The following DMD variants were observed in gnomAD, a reference collection of about 807,000 sequenced individuals.
The protein encoded by DMD is mutant dystrophin.
In DMD, 63 loss-of-function variants were observed where a neutral mutation model predicts 330.1. The ratio of observed to expected loss-of-function variants is 0.19; its 90% CI spans 0.16 to 0.24. The LOEUF is 0.24. Among genes scored for constraint, DMD ranks in the 10% least tolerant of loss-of-function variants. DMD has a pLI of 1.00. For missense variants in DMD, 3,344 were observed against 2,684.1 expected (o/e 1.25, Z -5.43); for synonymous variants, 1,223 against 959.8 (o/e 1.27, Z -5.07).
At chrX:32,842,529 A>G (rs1031129497) in intron 4 of DMD, among the ~76,000 whole-genome samples, 5 of 104,159 alleles carry the variant, frequency 4.8e-5, no homozygotes, top group African/African-American at 2.0e-4. Flanking sequence ...ACATACTTGC[A>G]AGTAAGACCC....
intron 1 of DMD, among the ~76,000 whole-genome samples, chrX:33,172,601 T>C (rs185953828): frequency 9.0e-6 from 1 of 111,610 alleles, no homozygotes; most frequent in East Asian, 2.8e-4. Context: ...CTCTGGCCAC[T>C]CAAACTACCT....
Position 32,365,051 on chromosome X carries a change from G to A in DMD, c.4994C>T (p.Ser1665Phe). The A allele has an allele frequency of 8.3e-7, 1 of 1,210,687 alleles. No individual in the cohort carries two copies. Among genetic ancestry groups the A allele is most frequent in the Non-Finnish European group, 1.1e-6 (1 of 895,143 alleles). The change falls in exon 35 of 79, where the codon TCC becomes TTC. Residue 1665 changes from serine to phenylalanine, a missense_variant. Transcript: ENST00000357033. ...LLNSNWIAVT[S>F]RAEEWLNLLL... is the part of the protein sequence containing the mutation. ...AAGATTTAACCACTCTTCTGCTCGGGAGGTGACAGCTATCCAGTTACTATT... is the reference window on the plus strand; with the variant it reads ...AAGATTTAACCACTCTTCTGCTCGGAAGGTGACAGCTATCCAGTTACTATT...
intron 52 of DMD, among the ~76,000 whole-genome samples, chrX:31,707,299 C>T (rs757218558): frequency 9.0e-6 from 1 of 110,948 alleles, no homozygotes; most frequent in South Asian, 3.8e-4. Context: ...TGGTTTATAA[C>T]CTGCTGTGCT....
chrX:31,562,314 T>C (rs2075242392), intron 55 of DMD, among the ~76,000 whole-genome samples: 2 of 112,354 alleles, frequency 1.8e-5, no homozygotes, highest in Non-Finnish European at 3.8e-5. Flanking sequence ...CTTTTATTTC[T>C]GTAGTATTGA....
chrX:31,992,382 T>C (rs1444695608), intron 44 of DMD, among the ~76,000 whole-genome samples: 4 of 111,482 alleles, frequency 3.6e-5, no homozygotes, highest in Non-Finnish European at 7.5e-5. Context: ...AATTAGGGCA[T>C]TGCCTCCATG....
chrX:32,242,493 G>A (rs2097212417), intron 43 of DMD, among the ~76,000 whole-genome samples: 1 of 111,671 alleles, frequency 9.0e-6, no homozygotes, highest in African/African-American at 3.3e-5. Context: ...TAACTTCAAT[G>A]TCTAGCACGT....
chrX:33,071,368 G>A (rs1482083579), intron 1 of DMD, among the ~76,000 whole-genome samples: 1 of 104,151 alleles, frequency 9.6e-6, no homozygotes, highest in Non-Finnish European at 1.9e-5. Context: ...GCAGTGAGCT[G>A]AGATCACGCC....
intron 77 of DMD, among the ~76,000 whole-genome samples, chrX:31,129,627 T>G (rs2034216389): frequency 8.9e-6 from 1 of 112,195 alleles, no homozygotes; most frequent in African/African-American, 3.2e-5. Context: ...AGGCAACATG[T>G]AAATGAATGG....
intron 50 of DMD, among the ~76,000 whole-genome samples, chrX:31,786,062 C>T (rs1603466672): frequency 8.9e-6 from 1 of 112,252 alleles, no homozygotes; most frequent in Non-Finnish European, 1.9e-5. Context: ...TTCACACTCC[C>T]ACCAACAGTG....
chrX:33,128,200 T>G, intron 1 of DMD: 1 of 1,199,322 alleles, frequency 8.3e-7, no homozygotes, highest in Non-Finnish European at 1.1e-6. Context: ...CACACCTTCA[T>G]AGGAAAGCTT....
chrX:32,685,144 T>G (rs1442655062), intron 9 of DMD, among the ~76,000 whole-genome samples: 1 of 109,804 alleles, frequency 9.1e-6, no homozygotes, highest in Non-Finnish European at 1.9e-5. Flanking sequence ...AATACTACAG[T>G]GCTTCCGGCA....
At chrX:32,732,794 GC>G (rs2067885798) in intron 7 of DMD, among the ~76,000 whole-genome samples, 2 of 110,302 alleles carry the variant, frequency 1.8e-5, no homozygotes, top group South Asian at 7.8e-4. Context: ...ACCGGTACCA[GC>G]CGCTGCAAAA....
intron 7 of DMD, among the ~76,000 whole-genome samples, chrX:32,800,504 AT>A (rs2076475900): frequency 8.9e-6 from 1 of 112,179 alleles, no homozygotes. Flanking sequence ...TATTTTAAAA[AT>A]ATATGACTTA....
chrX:32,554,437 C>A (rs893596850), intron 16 of DMD, among the ~76,000 whole-genome samples: 4 of 111,044 alleles, frequency 3.6e-5, no homozygotes, highest in African/African-American at 1.3e-4. Flanking sequence ...AGAGGAATAT[C>A]ACCAATAATT....
chrX:32,904,658 C>T (rs750114836), intron 2 of DMD, among the ~76,000 whole-genome samples: 164 of 112,241 alleles, frequency 1.5e-3, no homozygotes, highest in African/African-American at 5.2e-3. Flanking sequence ...ACTGCAACCT[C>T]CGCCTCCCGG....
At chrX:32,883,373 T>C (rs2149214764) in intron 2 of DMD, among the ~76,000 whole-genome samples, 1 of 111,759 alleles carries the variant, frequency 8.9e-6, no homozygotes, top group Non-Finnish European at 1.9e-5. Flanking sequence ...ACACTGGTAA[T>C]TGCTTCTTTC....
intron 41 of DMD, among the ~76,000 whole-genome samples, chrX:32,335,493 ATAC>A (rs1424711757): frequency 1.2e-4 from 10 of 83,193 alleles, no homozygotes; most frequent in South Asian, 8.3e-4. Context: ...ACATTTATAT[ATAC>A]ATGTTATATA....
chrX:31,285,766 A>G (rs771925808), intron 62 of DMD, among the ~76,000 whole-genome samples: 2 of 112,255 alleles, frequency 1.8e-5, no homozygotes, highest in East Asian at 2.8e-4. Flanking sequence ...GTCAAAATAA[A>G]TAAATGATCA....
At chrX:32,295,516 T>C (rs1408906719) in intron 42 of DMD, among the ~76,000 whole-genome samples, 1 of 112,467 alleles carries the variant, frequency 8.9e-6, no homozygotes, top group African/African-American at 3.2e-5. Context: ...ATGTGAGATA[T>C]GAAAATAAAG....
Sources: allele counts gnomAD v4.1 joint callset (sites outside exome capture counted in the v4.1 genomes callset), GRCh38; gene constraint gnomAD v4.1.1; transcripts MANE v1.5; gene names NCBI Gene and HGNC (gene_info 2026-07-23, HGNC 2026-07-21).